The following GPRC6A variants were observed in gnomAD, a reference collection of about 807,000 sequenced individuals.
GPRC6A encodes the protein G protein-coupled receptor class C group 6 member A.
A neutral mutation model predicts 47.0 loss-of-function variants in GPRC6A; 54 were observed. That is an observed-to-expected ratio of 1.15 (90% confidence interval 0.92 to 1.44). GPRC6A has a LOEUF of 1.44. Ranked by LOEUF, GPRC6A falls within the 40% of genes most tolerant of loss-of-function variation. GPRC6A has a pLI of 0.00. For missense variants in GPRC6A, 1,112 were observed against 1,105.5 expected (o/e 1.01, Z -0.08); for synonymous variants, 347 against 377.1 (o/e 0.92, Z 0.93).
chr6:116,807,082 C>T lies in GPRC6A; in HGVS notation c.623G>A (p.Trp208Ter). The T allele has an allele frequency of 1.2e-6, 2 of 1,613,454 alleles. No individual in the cohort carries two copies. Among genetic ancestry groups the T allele is most frequent in the East Asian group, 2.2e-5 (1 of 44,866 alleles). ...AMAHLIQKSG[W>*]NWIGIITTDD... ...TGTGGTTATGATGCCAATCCAGTTC[C>T]AACCAGATTTCTGAATCAGGTGAGC... Residue 208 changes from tryptophan (W) to a stop codon, truncating the protein, a stop_gained, in exon 3 of 6, where the codon TGG (tryptophan) becomes TAG (stop). Transcript: ENST00000310357. LOFTEE classifies it high-confidence loss of function.
intron 1 of GPRC6A, among the ~76,000 whole-genome samples, chr6:116,826,405 T>C (rs910921503): frequency 6.6e-6 from 1 of 151,838 alleles, no homozygotes; most frequent in African/African-American, 2.4e-5. Flanking sequence ...CAAAAGAAGA[T>C]ATAAATAGCC....
chr6:116,829,112 G>T, upstream of GPRC6A: 2 of 1,397,362 alleles, frequency 1.4e-6, no homozygotes. Context: ...CACCTTATAA[G>T]GTATAGGACA....
intron 1 of GPRC6A, among the ~76,000 whole-genome samples, chr6:116,827,038 T>G (rs992766258): frequency 2.0e-5 from 3 of 151,734 alleles, no homozygotes; most frequent in African/African-American, 4.8e-5. Context: ...ATAAAAGTAC[T>G]AGAGGATGGG....
At chr6:116,801,483 T>C (rs1398403) in intron 3 of GPRC6A, among the ~76,000 whole-genome samples, 74,446 of 151,928 alleles carry the variant, frequency 0.49, 18,850 homozygotes, top group Middle Eastern at 0.61. Flanking sequence ...TATAAGTATG[T>C]CAAGTAAATA....
chr6:116,815,430 C>A (rs917045774), intron 1 of GPRC6A, among the ~76,000 whole-genome samples: 4 of 152,192 alleles, frequency 2.6e-5, no homozygotes, highest in Admixed American at 1.3e-4. Flanking sequence ...TTGCAGTGAG[C>A]CAAGATTGCA....
intron 4 of GPRC6A, among the ~76,000 whole-genome samples, chr6:116,798,746 G>T (rs555441104): frequency 5.5e-4 from 84 of 152,102 alleles, no homozygotes; most frequent in Non-Finnish European, 1.1e-3. Context: ...AGCCGGGCAT[G>T]GTGGTACACA....
intron 2 of GPRC6A, among the ~76,000 whole-genome samples, chr6:116,808,956 C>T (rs78145697): frequency 0.078 from 11,917 of 152,148 alleles, 497 homozygotes; most frequent in Admixed American, 0.12. Context: ...GCAAACCGTC[C>T]CAGGGCTTAC....
Position 116,806,756 on chromosome 6 carries a change from C to T in GPRC6A, c.949G>A (p.Val317Ile). ...CCTACAACTTTGCCAATCTTTTTAA[C>T]ATTAGGAATGGTGGTAATCTTGGTG... The part of the protein sequence containing the change: ...TATKITTIPN[V>I]KKIGKVVGFA... Residue 317 changes from valine (V) to isoleucine (I), a missense_variant, in exon 3 of 6, where the codon GTT becomes ATT. Coordinates refer to ENST00000310357, the MANE Select transcript of GPRC6A (RefSeq NM_148963.4). The T allele has an allele frequency of 1.9e-6, 3 of 1,613,684 alleles. No homozygotes were observed. Among genetic ancestry groups the T allele is most frequent in the Non-Finnish European group, 2.5e-6 (3 of 1,179,760 alleles).
Position 116,806,453 on chromosome 6 carries a change from C to CA in GPRC6A, c.1251dup (p.Ala418CysfsTer17), listed in dbSNP as rs1196125414. Reference sequence around the variant, plus strand: ...ATGGCATAACCAAGGGCAAACACTGCAAGCTGAATACTATGAATGAGTCCT... The same window carrying CA: ...ATGGCATAACCAAGGGCAAACACTGCAAAGCTGAATACTATGAATGAGTCCT... On this transcript the variant is annotated frameshift_variant, in exon 3 of 6. Transcript: ENST00000310357. LOFTEE classifies it high-confidence loss of function. 1 of 1,613,480 alleles carries CA rather than the reference C, an allele frequency of 6.2e-7. No homozygotes were observed. Among genetic ancestry groups the CA allele is most frequent in the South Asian group, 1.1e-5 (1 of 91,052 alleles).
chr6:116,814,176 C>A (rs1773126783), intron 1 of GPRC6A, among the ~76,000 whole-genome samples: 1 of 152,128 alleles, frequency 6.6e-6, no homozygotes, highest in South Asian at 2.1e-4. Flanking sequence ...TTGGTTCAAC[C>A]ATTGTGGAAG....
chr6:116,797,103 A>C (rs1272056112), intron 4 of GPRC6A, among the ~76,000 whole-genome samples: 2 of 150,082 alleles, frequency 1.3e-5, no homozygotes, highest in Non-Finnish European at 3.0e-5. Flanking sequence ...CTCATTGTTC[A>C]ATTCCCACCT....
At chr6:116,817,889 C>T (rs559625782) in intron 1 of GPRC6A, among the ~76,000 whole-genome samples, 5 of 151,938 alleles carry the variant, frequency 3.3e-5, no homozygotes, top group Non-Finnish European at 4.4e-5. Context: ...TGTGAAAAGA[C>T]CAAATCTACG....
chr6:116,808,791 G>A (rs973522920), intron 2 of GPRC6A, among the ~76,000 whole-genome samples: 7 of 152,032 alleles, frequency 4.6e-5, no homozygotes, highest in African/African-American at 2.4e-5. Flanking sequence ...TTGACTCTGA[G>A]TAATGTTCAA....
intron 1 of GPRC6A, 116 bp downstream of exon 1, chr6:116,828,704 A>G (rs1773746856): frequency 2.3e-6 from 2 of 858,212 alleles, no homozygotes; most frequent in Non-Finnish European, 3.4e-6. Context: ...GCAACTTAAA[A>G]ATACATATGA....
chr6:116,792,152 G>T lies in GPRC6A; in HGVS notation c.2771C>A (p.Ser924Ter). The change falls in exon 6 of 6, where the codon TCA becomes TAA. Residue 924 changes from serine (S) to a stop codon, truncating the protein, a stop_gained. Coordinates refer to ENST00000310357, the MANE Select transcript of GPRC6A (RefSeq NM_148963.4). LOFTEE classifies it high-confidence loss of function. ...VSKTLPRKRM[S>*]SI is the part of the protein sequence containing the mutation. The stretch of plus-strand genomic sequence containing the variant: ...TCTCCTAAGGCTTATTCATATACTT[G>T]ACATTCTTTTTCGAGGCAAAGTTTT... The T allele has an allele frequency of 6.2e-7, 1 of 1,612,124 alleles. No homozygotes were observed. The highest frequency in any genetic ancestry group is 1.1e-5 in the South Asian group (1 of 90,720).
In GPRC6A at chr6:116,828,885, A is replaced by G. The variant is rs145366995; in HGVS notation, c.129T>C (p.Ala43=). Residue 43 remains alanine, a synonymous_variant, in exon 1 of 6, where the codon GCT becomes GCC. Coordinates refer to ENST00000310357, the MANE Select transcript of GPRC6A (RefSeq NM_148963.4). The stretch of plus-strand genomic sequence containing the variant: ...CTGAGGACAACATTTTTTCATGAAT[A>G]GCAAACAAACCTCCAATTATGATAT... ...PGHIIIGGLF[A]IHEKMLSSED... The G allele has an allele frequency of 6.2e-7, 1 of 1,613,226 alleles. No homozygotes were observed. The highest frequency in any genetic ancestry group is 1.3e-5 in the African/African-American group (1 of 74,868).
intron 3 of GPRC6A, among the ~76,000 whole-genome samples, chr6:116,803,019 C>T (rs73765861): frequency 2.8e-3 from 426 of 152,188 alleles, no homozygotes; most frequent in African/African-American, 1.0e-2. Flanking sequence ...ATACATGTCT[C>T]ATAAATTCAT....
intron 5 of GPRC6A, among the ~76,000 whole-genome samples, chr6:116,794,576 G>A (rs970877050): frequency 3.3e-5 from 5 of 152,212 alleles, no homozygotes; most frequent in East Asian, 3.9e-4. Context: ...GGTCCCGTAC[G>A]TCTTTATGGA....
At chr6:116,805,764 A>G (rs889145939) in intron 3 of GPRC6A, among the ~76,000 whole-genome samples, 7 of 152,048 alleles carry the variant, frequency 4.6e-5, no homozygotes, top group African/African-American at 1.7e-4. Flanking sequence ...ACCTAACAAC[A>G]TTCCTTTGAA....
Sources: gnomAD v4.1 joint callset for allele counts (sites outside exome capture counted in the v4.1 genomes callset) on GRCh38, gnomAD v4.1.1 for gene constraint, MANE v1.5 for transcripts, NCBI Gene and HGNC (gene_info 2026-07-23, HGNC 2026-07-21) for gene names.